RIMKLA: variants seen among roughly 807,000 people sequenced by gnomAD.
The protein encoded by RIMKLA is ribosomal modification protein rimK like family member A.
A neutral mutation model predicts 32.7 loss-of-function variants in RIMKLA; 14 were observed. The ratio of observed to expected loss-of-function variants is 0.43; its 90% CI spans 0.28 to 0.67. RIMKLA has a LOEUF of 0.67. Ranked by LOEUF, RIMKLA falls within the 30% of genes least tolerant of loss-of-function variation. The probability of loss-of-function intolerance (pLI) is 0.18; values close to 1 mark genes in which losing one functional copy is unlikely to be tolerated. For synonymous variants in RIMKLA, 176 were observed against 204.1 expected (o/e 0.86, Z 1.18); for missense variants, 410 against 519.0 (o/e 0.79, Z 2.04).
rs539539936 is a variant in RIMKLA at position 42,423,831 on chromosome 1, A to C, written c.*8857A>C. Among the ~76,000 whole-genome samples, 1 of 152,250 alleles carries C rather than the reference A, an allele frequency of 6.6e-6. No homozygotes were observed. The highest frequency in any genetic ancestry group is 2.4e-5 in the African/African-American group (1 of 41,536). On this transcript the variant is annotated 3_prime_UTR_variant, in exon 5 of 5. Coordinates refer to ENST00000431473, the MANE Select transcript of RIMKLA (RefSeq NM_173642.4). ...AATGGCACTTCTTAAATCTGGTGAGAGGCTTCTCTCAAAAATGATCGCTCT... is the reference window on the plus strand; with the variant it reads ...AATGGCACTTCTTAAATCTGGTGAGCGGCTTCTCTCAAAAATGATCGCTCT...
chr1:42,399,626 T>C lies in RIMKLA; in HGVS notation c.386T>C (p.Phe129Ser). ...AGHGVPMPDT[F>S]SYGGHEDFSK... is the part of the protein sequence containing the mutation. ...CATGGGGTCCCCATGCCAGACACCT[T>C]CTCCTATGGTGAGTCAGCTTGAAAT... Residue 129 changes from phenylalanine (F) to serine (S), a missense_variant, in exon 2 of 5, where the codon TTC becomes TCC. Transcript: ENST00000431473. 6.3e-7 allele frequency: 1 copy of C among 1,598,232 alleles called. No individual in the cohort carries two copies.
chr1:42,399,322 C>A, intron 1 of RIMKLA, 82 bp from the exon 2 acceptor site: 1 of 1,053,398 alleles, frequency 9.5e-7, no homozygotes, highest in Non-Finnish European at 1.4e-6. Flanking sequence ...TAGGTTCAGT[C>A]TTGAAGAGTC....
chr1:42,407,871 C>A (rs987946241), intron 3 of RIMKLA, among the ~76,000 whole-genome samples: 2 of 152,072 alleles, frequency 1.3e-5, no homozygotes, highest in Non-Finnish European at 1.5e-5. Flanking sequence ...ACCAATCTTA[C>A]TGCCTTTCTC....
chr1:42,399,347 C>A, intron 1 of RIMKLA, 57 bp from the exon 2 acceptor site: 1 of 1,285,942 alleles, frequency 7.8e-7, no homozygotes, highest in Non-Finnish European at 1.1e-6. Context: ...GGAACCATTT[C>A]TTCTGGTGGA....
chr1:42,387,374 G>A (rs1408967496), intron 1 of RIMKLA, among the ~76,000 whole-genome samples: 1 of 150,832 alleles, frequency 6.6e-6, no homozygotes, highest in Non-Finnish European at 1.5e-5. Context: ...TCCAGCCTGG[G>A]CAATAGAGCG....
intron 4 of RIMKLA, among the ~76,000 whole-genome samples, chr1:42,411,298 GC>G (rs1643195140): frequency 2.0e-5 from 3 of 149,690 alleles, no homozygotes; most frequent in African/African-American, 4.9e-5. Flanking sequence ...TTGTGCCATA[GC>G]ACTCCAGCCT....
At chr1:42,381,391 A>G (rs773624303) in intron 1 of RIMKLA, among the ~76,000 whole-genome samples, 1 of 152,192 alleles carries the variant, frequency 6.6e-6, no homozygotes, top group African/African-American at 2.4e-5. Flanking sequence ...GTCCGAGGAA[A>G]ATCAGGCTGT....
At chr1:42,385,759 C>CTTTG (rs1421740269) in intron 1 of RIMKLA, among the ~76,000 whole-genome samples, 3 of 79,992 alleles carry the variant, frequency 3.8e-5, no homozygotes, top group African/African-American at 1.5e-4. Flanking sequence ...TTCTTTCTTT[C>CTTTG]TTTCTTTCTT....
intron 1 of RIMKLA, among the ~76,000 whole-genome samples, chr1:42,385,904 T>G (rs1642942145): frequency 7.7e-6 from 1 of 130,030 alleles, no homozygotes. Context: ...CTTTCCTTCT[T>G]TCCTTCTTTC....
chr1:42,384,283 G>A (rs768499046), intron 1 of RIMKLA, among the ~76,000 whole-genome samples: 32 of 152,234 alleles, frequency 2.1e-4, no homozygotes, highest in South Asian at 8.3e-4. Flanking sequence ...AAGTAATCCT[G>A]TAGAAAACAG....
chr1:42,384,557 A>ATATATATGTG (rs1462894370), intron 1 of RIMKLA, among the ~76,000 whole-genome samples: 25 of 138,222 alleles, frequency 1.8e-4, no homozygotes, highest in African/African-American at 7.5e-4. Context: ...ATATGTGTGT[A>ATATATATGTG]TATATACATA....
intron 2 of RIMKLA, among the ~76,000 whole-genome samples, chr1:42,400,515 G>T (rs1239182017): frequency 6.6e-6 from 1 of 152,222 alleles, no homozygotes; most frequent in Non-Finnish European, 1.5e-5. Context: ...GAATTGTGAA[G>T]TTTGTAGAAA....
At chr1:42,383,487 A>T (rs1241203758) in intron 1 of RIMKLA, among the ~76,000 whole-genome samples, 2 of 152,210 alleles carry the variant, frequency 1.3e-5, no homozygotes, top group African/African-American at 4.8e-5. Flanking sequence ...ATATTTTTTT[A>T]AATGAATGAG....
chr1:42,400,052 TC>T (rs1643083374), intron 2 of RIMKLA, among the ~76,000 whole-genome samples: 1 of 152,144 alleles, frequency 6.6e-6, no homozygotes. Context: ...GAGGAAGTCT[TC>T]CTAAAAGAGC....
chr1:42,384,634 GTATA>G (rs34388220), intron 1 of RIMKLA, among the ~76,000 whole-genome samples: 60 of 147,170 alleles, frequency 4.1e-4, no homozygotes, highest in African/African-American at 1.0e-3. Flanking sequence ...ATGTGTGTGT[GTATA>G]TATATATATA....
At chr1:42,381,284 A>AC (rs924465535) in intron 1 of RIMKLA, among the ~76,000 whole-genome samples, 187 bp downstream of exon 1, 5 of 152,204 alleles carry the variant, frequency 3.3e-5, no homozygotes, top group African/African-American at 1.2e-4. Flanking sequence ...TTTAACCACC[A>AC]CCACCTGCCC....
chr1:42,386,654 T>C (rs1477021939), intron 1 of RIMKLA, among the ~76,000 whole-genome samples: 2 of 149,780 alleles, frequency 1.3e-5, no homozygotes, highest in African/African-American at 4.9e-5. Flanking sequence ...GGCAGGTGGA[T>C]CACTTGAGGT....
At chr1:42,388,770 C>G (rs1642972996) in intron 1 of RIMKLA, among the ~76,000 whole-genome samples, 1 of 152,156 alleles carries the variant, frequency 6.6e-6, no homozygotes, top group Non-Finnish European at 1.5e-5. Context: ...CCCACCTTGG[C>G]CTCCCAAAGT....
intron 4 of RIMKLA, among the ~76,000 whole-genome samples, chr1:42,410,680 G>A (rs976793374): frequency 2.0e-5 from 3 of 152,052 alleles, no homozygotes; most frequent in South Asian, 2.1e-4. Context: ...TGCTTTGGTC[G>A]AATGCATAAA....
Sources: gnomAD v4.1 joint callset for allele counts (sites outside exome capture counted in the v4.1 genomes callset) on GRCh38, gnomAD v4.1.1 for gene constraint, MANE v1.5 for transcripts, NCBI Gene and HGNC (gene_info 2026-07-23, HGNC 2026-07-21) for gene names.